NAT10: variants seen among roughly 807,000 people sequenced by gnomAD.
NAT10 encodes N-acetyltransferase 10, also known as RNA cytidine acetyltransferase.
Under a neutral mutation model 132.2 loss-of-function variants are expected in NAT10, and 109 were observed. The ratio of observed to expected loss-of-function variants is 0.82; its 90% CI spans 0.71 to 0.97. The LOEUF (loss-of-function observed/expected upper bound fraction) is 0.97. Ranked by LOEUF, NAT10 falls within the 50% of genes least tolerant of loss-of-function variation. The pLI is 0.00. For missense variants in NAT10, 1,184 were observed against 1,263.4 expected (o/e 0.94, Z 0.95); for synonymous variants, 479 against 478.0 (o/e 1.00, Z -0.03).
intron 19 of NAT10, among the ~76,000 whole-genome samples, chr11:34,135,982 C>T (rs939942252): frequency 2.6e-5 from 4 of 151,926 alleles, no homozygotes; most frequent in Non-Finnish European, 5.9e-5. Flanking sequence ...AAAAAAAGTT[C>T]AAGCTCAGAG....
intron 12 of NAT10, among the ~76,000 whole-genome samples, chr11:34,128,373 A>G (rs1338532630): frequency 2.0e-5 from 3 of 152,114 alleles, no homozygotes; most frequent in Middle Eastern, 3.2e-3. Flanking sequence ...AAAAAAAAAA[A>G]AAAAAGAAAA....
At chr11:34,129,430 T>A (rs1160930281) in intron 12 of NAT10, among the ~76,000 whole-genome samples, 2 of 152,168 alleles carry the variant, frequency 1.3e-5, no homozygotes, top group Non-Finnish European at 2.9e-5. Context: ...GTATGTTCTT[T>A]GGAGAAATGT....
chr11:34,115,799 A>G (rs765379317), intron 5 of NAT10, 24 bp from the exon 6 acceptor site: 26 of 1,613,208 alleles, frequency 1.6e-5, no homozygotes, highest in Non-Finnish European at 2.1e-5. Flanking sequence ...GCCTTTGTTA[A>G]TGGATGTTGT....
chr11:34,133,000 CACTG>C (rs776105465), intron 15 of NAT10, 22 bp from the exon 16 acceptor site: 1 of 1,578,920 alleles, frequency 6.3e-7, no homozygotes, highest in Non-Finnish European at 8.7e-7. Flanking sequence ...GAGTGCTTCT[CACTG>C]ACCCGTGTTT....
chr11:34,132,760 G>A (rs192630121), intron 15 of NAT10, among the ~76,000 whole-genome samples: 1 of 152,222 alleles, frequency 6.6e-6, no homozygotes, highest in Non-Finnish European at 1.5e-5. Context: ...TGTGAAATAA[G>A]TAGTGCTAAA....
chr11:34,112,375 T>G (rs1286216701), intron 4 of NAT10, 152 bp downstream of exon 4: 1 of 894,132 alleles, frequency 1.1e-6, no homozygotes, highest in African/African-American at 1.7e-5. Flanking sequence ...CTGGCCACTT[T>G]CCAAAGTACA....
At position 34,142,306 on chromosome 11, in the gene NAT10, A is replaced by T; in HGVS notation, c.2843A>T (p.His948Leu). ...DEAAKEFQEK[H>L]KKEVGKLKSM... ...GCAGCAAAGGAATTTCAGGAGAAAC[A>T]CAAGAAGGAAGTAGGGAAGCTGAAG... The change falls in exon 27 of 29, where the codon CAC (histidine) becomes CTC (leucine). Residue 948 changes from histidine to leucine, a missense_variant. Coordinates refer to ENST00000257829, the MANE Select transcript of NAT10 (RefSeq NM_024662.3). The T allele has an allele frequency of 9.9e-6, 16 of 1,614,180 alleles. No homozygotes were observed. Among genetic ancestry groups the T allele is most frequent in the Non-Finnish European group, 1.2e-5 (14 of 1,180,028 alleles).
intron 24 of NAT10, 64 bp from the exon 25 acceptor site, chr11:34,141,025 G>C: frequency 6.2e-7 from 1 of 1,606,940 alleles, no homozygotes; most frequent in South Asian, 1.1e-5. Flanking sequence ...TCTGGTTCTT[G>C]GCGCCATTTT....
In NAT10 at chr11:34,133,142, G is replaced by A. The variant is rs757177036; in HGVS notation, c.1734G>A (p.Gln578=). The change falls in exon 16 of 29, where the codon CAG becomes CAA. Residue 578 remains glutamine, a splice_region_variant and synonymous_variant. Transcript: ENST00000257829. ...TTCCAGAAGTGCTTGCTGTTATCCA[G>A]GTATAGGAGCAGAGGCGTCCTTGTG... ...NALPEVLAVI[Q]VCLEGEISRQ... 1 of 1,606,978 alleles carries A rather than the reference G, an allele frequency of 6.2e-7. No homozygotes were observed. The highest frequency in any genetic ancestry group is 1.3e-5 in the African/African-American group (1 of 74,778).
Position 34,136,761 on chromosome 11 carries a change from C to G in NAT10, c.2148C>G (p.Thr716=), listed in dbSNP as rs761342253. ...ACCTGGGTGTTTCCTATGGCTTGAC[C>G]CCCAGGCTCCTCAAGTAAGTGCCTG... is the stretch of plus-strand genomic sequence containing the variant. ...LDYLGVSYGL[T]PRLLKFWKRA... Residue 716 remains threonine, a synonymous_variant, in exon 20 of 29, where the codon ACC becomes ACG. Coordinates refer to ENST00000257829, the MANE Select transcript of NAT10 (RefSeq NM_024662.3). 1 of 1,614,118 alleles carries G rather than the reference C, an allele frequency of 6.2e-7. No individual in the cohort carries two copies. Among genetic ancestry groups the G allele is most frequent in the Non-Finnish European group, 8.5e-7 (1 of 1,180,018 alleles).
rs570195769 is a variant in NAT10, at chr11:34,124,388, G to C, written c.1095G>C (p.Arg365Ser). Residue 365 changes from arginine (R) to serine (S), a missense_variant, in exon 11 of 29, where the codon AGG becomes AGC. Coordinates refer to ENST00000257829, the MANE Select transcript of NAT10 (RefSeq NM_024662.3). ...GAGTGAATGTATTTCGAGAACACAG[G>C]CAGACTATTCAGGTGAGGCTTGTTC... is the stretch of plus-strand genomic sequence containing the variant. ...VIRVNVFREH[R>S]QTIQYIHPAD... is the part of the protein sequence containing the mutation. The C allele has an allele frequency of 3.1e-6, 5 of 1,613,380 alleles. No homozygotes were observed. The African/African-American group carries it at 5.3e-5, about 17-fold the overall frequency.
At chr11:34,128,121 C>T (rs931703090) in intron 12 of NAT10, among the ~76,000 whole-genome samples, 4 of 151,840 alleles carry the variant, frequency 2.6e-5, no homozygotes, top group African/African-American at 4.8e-5. Context: ...ATTGGGAGGC[C>T]GAGGCAGGCG....
At chr11:34,145,282 G>A (rs1355545905) in intron 28 of NAT10, among the ~76,000 whole-genome samples, 1 of 152,210 alleles carries the variant, frequency 6.6e-6, no homozygotes, top group East Asian at 1.9e-4. Context: ...GTGCTTGATG[G>A]CTCTGAGTAA....
chr11:34,137,336 G>C (rs1852235371), intron 21 of NAT10, among the ~76,000 whole-genome samples: 1 of 152,244 alleles, frequency 6.6e-6, no homozygotes, highest in African/African-American at 2.4e-5. Flanking sequence ...GTAATTCCTA[G>C]AGTTTTGGCT....
chr11:34,134,434 CCT>C lies in NAT10; in HGVS notation c.1836+15_1836+16del. The stretch of plus-strand genomic sequence containing the variant: ...GTGTCAGAACAGGTGACGGGCTTTC[CCT>C]GGTGTGTCTGAGGGAAGCTGGTGGT... On this transcript the variant is annotated intron_variant, in intron 17 of 28. Transcript: ENST00000257829. 1 of 1,614,046 alleles carries C rather than the reference CCT, an allele frequency of 6.2e-7. No homozygotes were observed. The highest frequency in any genetic ancestry group is 1.3e-5 in the African/African-American group (1 of 75,022).
At chr11:34,132,424 C>G (rs1055543627) in intron 15 of NAT10, among the ~76,000 whole-genome samples, 2 of 152,148 alleles carry the variant, frequency 1.3e-5, no homozygotes, top group African/African-American at 4.8e-5. Context: ...AAAGCTGTGT[C>G]CATTTTTAAA....
intron 28 of NAT10, among the ~76,000 whole-genome samples, chr11:34,145,827 T>C (rs1197801341): frequency 6.6e-6 from 1 of 151,942 alleles, no homozygotes; most frequent in African/African-American, 2.4e-5. Context: ...GGATTTCAGG[T>C]GTTAAGATCG....
At chr11:34,129,599 C>CTTTTTTTTTTTTT (rs71037399) in intron 12 of NAT10, among the ~76,000 whole-genome samples, 2 of 56,726 alleles carry the variant, frequency 3.5e-5, no homozygotes, top group East Asian at 5.8e-4. Context: ...TCTTCTTCTT[C>CTTTTTTTTTTTTT]TTTTTTTTTT....
intron 11 of NAT10, among the ~76,000 whole-genome samples, chr11:34,125,834 T>G (rs1245290431): frequency 6.6e-6 from 1 of 152,074 alleles, no homozygotes; most frequent in Non-Finnish European, 1.5e-5. Context: ...CGTGGTGGCA[T>G]GCGCCTGCAA....
Sources: allele counts gnomAD v4.1 joint callset (sites outside exome capture counted in the v4.1 genomes callset), GRCh38; gene constraint gnomAD v4.1.1; transcripts MANE v1.5; gene names NCBI Gene and HGNC (gene_info 2026-07-23, HGNC 2026-07-21).